Variants in INPP5D observed in about 807,000 individuals in gnomAD.
INPP5D encodes inositol polyphosphate-5-phosphatase D, also known as phosphatidylinositol 3,4,5-trisphosphate 5-phosphatase 1.
A neutral mutation model predicts 122.9 loss-of-function variants in INPP5D; 33 were observed. That is an observed-to-expected ratio of 0.27 (90% confidence interval 0.20 to 0.36). INPP5D has a LOEUF of 0.36. INPP5D is among the 10% of genes least tolerant of loss of function. INPP5D has a pLI of 1.00. For synonymous variants in INPP5D, 584 were observed against 576.2 expected, an observed-to-expected ratio of 1.01 and a Z score of -0.19; for missense variants, 1,053 against 1,412.7, an observed-to-expected ratio of 0.75 and a Z score of 4.08.
At chr2:233,173,915 G>A (rs1285569505) in intron 17 of INPP5D, among the ~76,000 whole-genome samples, 1 of 151,924 alleles carries the variant, frequency 6.6e-6, no homozygotes. Context: ...CCTGGAGCAA[G>A]GCTCCGTCTC....
At chr2:233,203,106 T>C (rs1378345924) in intron 25 of INPP5D, among the ~76,000 whole-genome samples, 1 of 152,204 alleles carries the variant, frequency 6.6e-6, no homozygotes, top group African/African-American at 2.4e-5. Context: ...TGTGTTGCTG[T>C]GCCTGGGAAA....
intron 13 of INPP5D, among the ~76,000 whole-genome samples, chr2:233,168,345 G>C (rs937728497): frequency 2.0e-5 from 3 of 152,222 alleles, no homozygotes; most frequent in African/African-American, 7.2e-5. Flanking sequence ...CCACATTTCA[G>C]GTGTTTGATA....
intron 17 of INPP5D, among the ~76,000 whole-genome samples, chr2:233,175,363 C>T (rs1324950393): frequency 6.6e-6 from 1 of 151,976 alleles, no homozygotes; most frequent in East Asian, 1.9e-4. Context: ...AACGAAGTGG[C>T]TGAAGGAGTC....
intron 1 of INPP5D, among the ~76,000 whole-genome samples, chr2:233,068,305 A>G (rs1446253228): frequency 2.1e-5 from 3 of 143,228 alleles, no homozygotes; most frequent in South Asian, 4.5e-4. Flanking sequence ...AAAAAAAATC[A>G]TGCTGGTGAT....
rs1487882525 is a variant in INPP5D at position 233,170,676 on chromosome 2, G to T, written c.1900+72G>T. 1 of 1,566,112 alleles carries T rather than the reference G, an allele frequency of 6.4e-7. No individual in the cohort carries two copies. Among genetic ancestry groups the T allele is most frequent in the African/African-American group, 1.4e-5 (1 of 73,776 alleles). ...CCCAGCACTTTAGGAGGCCGAGGCG[G>T]GCGGATCACGAGATCAGGAGATGGA... On this transcript the variant is annotated intron_variant, in intron 16 of 26. Coordinates refer to ENST00000445964, the MANE Select transcript of INPP5D (RefSeq NM_001017915.3). This position sits in a 1 kb window ranked among gnomAD's most constrained non-coding sequence, Gnocchi z 4.5.
intron 9 of INPP5D, among the ~76,000 whole-genome samples, chr2:233,152,871 G>T (rs1009527933): frequency 9.8e-5 from 14 of 142,664 alleles, no homozygotes; most frequent in Non-Finnish European, 2.1e-4. Flanking sequence ...GCTGGGGGGG[G>T]TGTGGTGTGA....
chr2:233,142,234 G>A (rs1361637955), intron 6 of INPP5D, among the ~76,000 whole-genome samples: 2 of 152,180 alleles, frequency 1.3e-5, no homozygotes, highest in South Asian at 2.1e-4. Flanking sequence ...TCCCCTTTAT[G>A]AGACCCTGAG....
chr2:233,070,781 C>T (rs12617622), intron 1 of INPP5D, among the ~76,000 whole-genome samples: 9,941 of 152,118 alleles, frequency 0.065, 381 homozygotes, highest in Middle Eastern at 0.13. Flanking sequence ...GCCCTGGTTC[C>T]CCTTTCGAAA....
intron 11 of INPP5D, among the ~76,000 whole-genome samples, chr2:233,162,634 C>A (rs1391457678): frequency 2.0e-5 from 3 of 152,120 alleles, no homozygotes; most frequent in African/African-American, 7.2e-5. Flanking sequence ...ATTCTAAAAA[C>A]TACCAGTTTA....
intron 9 of INPP5D, among the ~76,000 whole-genome samples, chr2:233,152,639 G>A (rs1032285206): frequency 7.9e-5 from 12 of 152,180 alleles, no homozygotes; most frequent in African/African-American, 1.7e-4. Flanking sequence ...CATTTGAACC[G>A]AGACCTGAGT....
chr2:233,092,975 G>A (rs1249493367), intron 2 of INPP5D, among the ~76,000 whole-genome samples: 3 of 152,016 alleles, frequency 2.0e-5, no homozygotes, highest in Admixed American at 6.6e-5. Context: ...ATGGGTGAAA[G>A]AATCTTGACT....
rs942369342 is a variant in INPP5D, at chr2:233,193,680, G to C, written c.2447-132G>C. On this transcript the variant is annotated intron_variant, in intron 22 of 26. Transcript: ENST00000445964. ...TTTGCCCCCAAAGTACTGTGGTGTTGTTCTGACGGATTTATTAAATAACCC... is the reference window on the plus strand; with the variant it reads ...TTTGCCCCCAAAGTACTGTGGTGTTCTTCTGACGGATTTATTAAATAACCC... 3 of 1,481,498 alleles carry C rather than the reference G, an allele frequency of 2.0e-6. No homozygotes were observed. In the African/African-American group the frequency reaches 4.1e-5, roughly 20 times the overall value. The allele number at this position is 1,481,498 out of a possible 1,614,324, so 91.8% of individuals were successfully genotyped here.
chr2:233,155,361 G>A (rs975675781), intron 9 of INPP5D, among the ~76,000 whole-genome samples: 3 of 152,088 alleles, frequency 2.0e-5, no homozygotes, highest in Non-Finnish European at 2.9e-5. Context: ...AGTGGCTCAC[G>A]CCTGTAATCC....
chr2:233,169,260 G>C, intron 13 of INPP5D, 45 bp from the exon 14 acceptor site: 1 of 1,557,790 alleles, frequency 6.4e-7, no homozygotes, highest in Non-Finnish European at 8.7e-7. Context: ...CTTGGCAAGT[G>C]TGTCTGTTTG....
At chr2:233,174,718 G>T (rs1694573854) in intron 17 of INPP5D, among the ~76,000 whole-genome samples, 1 of 151,042 alleles carries the variant, frequency 6.6e-6, no homozygotes, top group South Asian at 2.1e-4. Context: ...TTTGAATCCG[G>T]CAGACAGAGG....
intron 5 of INPP5D, among the ~76,000 whole-genome samples, chr2:233,137,095 A>G (rs1402429656): frequency 6.6e-6 from 1 of 152,262 alleles, no homozygotes; most frequent in East Asian, 1.9e-4. Flanking sequence ...ATTTAAATCC[A>G]AAAAGCTAAT....
intron 25 of INPP5D, among the ~76,000 whole-genome samples, chr2:233,201,942 A>G (rs1695351400): frequency 6.6e-6 from 1 of 152,132 alleles, no homozygotes; most frequent in South Asian, 2.1e-4. Flanking sequence ...TCAGGGGAAT[A>G]AGACTTACTT....
chr2:233,106,026 G>A (rs533454587), intron 2 of INPP5D, among the ~76,000 whole-genome samples: 6 of 152,300 alleles, frequency 3.9e-5, no homozygotes, highest in South Asian at 2.1e-4. Context: ...TGGACAAGTT[G>A]CCTTATCTCT....
At chr2:233,108,006 C>A (rs1249369520) in intron 2 of INPP5D, among the ~76,000 whole-genome samples, 2 of 152,122 alleles carry the variant, frequency 1.3e-5, no homozygotes, top group Non-Finnish European at 2.9e-5. Flanking sequence ...GGCGGCTGGA[C>A]CTTGCCCAGA....
Sources: allele counts gnomAD v4.1 joint callset (sites outside exome capture counted in the v4.1 genomes callset), GRCh38; gene constraint gnomAD v4.1.1; non-coding constraint Gnocchi (gnomAD v3.1); transcripts MANE v1.5; gene names NCBI Gene and HGNC (gene_info 2026-07-23, HGNC 2026-07-21).